The following USP48 variants were observed in gnomAD, a reference collection of about 807,000 sequenced individuals.
USP48 encodes ubiquitin carboxyl-terminal hydrolase 48.
Under a neutral mutation model 150.7 loss-of-function variants are expected in USP48, and 43 were observed. The observed-to-expected ratio is 0.29, with a 90% confidence interval of 0.22 to 0.37. The LOEUF (loss-of-function observed/expected upper bound fraction) is 0.37. Ranked by LOEUF, USP48 falls within the 10% of genes least tolerant of loss-of-function variation. The pLI is 1.00. For synonymous variants in USP48, 396 were observed against 425.9 expected (o/e 0.93, Z 0.86); for missense variants, 813 against 1,249.6 (o/e 0.65, Z 5.27).
intron 1 of USP48, among the ~76,000 whole-genome samples, chr1:21,769,202 A>G (rs572993641): frequency 6.6e-6 from 1 of 152,302 alleles, no homozygotes; most frequent in South Asian, 2.1e-4. Context: ...AATCAATTCC[A>G]GGTTGACTGT....
intron 11 of USP48, chr1:21,727,744 T>C (rs1476609647): frequency 2.6e-6 from 1 of 385,096 alleles, no homozygotes; most frequent in Non-Finnish European, 3.6e-6. Context: ...AATTAAAATT[T>C]AGTTAAAATA....
chr1:21,689,589 A>C (rs1423454706), intron 24 of USP48, among the ~76,000 whole-genome samples: 1 of 152,168 alleles, frequency 6.6e-6, no homozygotes, highest in Admixed American at 6.5e-5. Context: ...AGTGGGATTT[A>C]TACCACTGCC....
chr1:21,720,941 T>C, intron 14 of USP48, 95 bp downstream of exon 14: 2 of 1,508,038 alleles, frequency 1.3e-6, no homozygotes, highest in Non-Finnish European at 9.0e-7. Context: ...GCCTCCCAAG[T>C]AGCTGGGACT....
At chr1:21,707,555 C>G (rs1166493048) in intron 15 of USP48, among the ~76,000 whole-genome samples, 2 of 152,084 alleles carry the variant, frequency 1.3e-5, no homozygotes, top group Admixed American at 1.3e-4. Flanking sequence ...TACTAGTCAC[C>G]GCCACCCTGC....
At chr1:21,702,336 A>G (rs772851997) in intron 21 of USP48, among the ~76,000 whole-genome samples, 2 of 152,032 alleles carry the variant, frequency 1.3e-5, no homozygotes, top group African/African-American at 4.8e-5. Flanking sequence ...GAAAGCATGG[A>G]ATTAAATAAA....
chr1:21,682,070 T>C (rs533205812), intron 25 of USP48, among the ~76,000 whole-genome samples: 2 of 152,326 alleles, frequency 1.3e-5, no homozygotes, highest in South Asian at 2.1e-4. Context: ...GGGTCCACTG[T>C]TGATTCTTTC....
chr1:21,750,384 AG>A (rs2097807163), intron 6 of USP48, among the ~76,000 whole-genome samples: 1 of 151,986 alleles, frequency 6.6e-6, no homozygotes, highest in South Asian at 2.1e-4. Flanking sequence ...CACCGACTCC[AG>A]CCTACTCCCC....
At chr1:21,723,830 C>CAT in intron 12 of USP48, 68 bp downstream of exon 12, 1 of 1,395,440 alleles carries the variant, frequency 7.2e-7, no homozygotes, top group East Asian at 2.3e-5. Context: ...AAGCCACACT[C>CAT]ATAAAGACCA....
At chr1:21,778,277 A>C (rs2097905118) in intron 1 of USP48, among the ~76,000 whole-genome samples, 1 of 152,218 alleles carries the variant, frequency 6.6e-6, no homozygotes. Flanking sequence ...CAATAAGTAC[A>C]CAAAAAGATG....
intron 1 of USP48, among the ~76,000 whole-genome samples, chr1:21,759,923 T>G (rs2097846063): frequency 6.6e-6 from 1 of 152,154 alleles, no homozygotes; most frequent in South Asian, 2.1e-4. Flanking sequence ...TCTCAAAGTA[T>G]CTCAGAAAAA....
chr1:21,702,400 T>A (rs994946565), intron 21 of USP48, among the ~76,000 whole-genome samples: 2 of 151,974 alleles, frequency 1.3e-5, no homozygotes, highest in Admixed American at 1.3e-4. Flanking sequence ...CCATCCCTAA[T>A]ATAATAAAAA....
At chr1:21,688,911 T>G (rs959722573) in intron 24 of USP48, among the ~76,000 whole-genome samples, 19 of 151,170 alleles carry the variant, frequency 1.3e-4, no homozygotes, top group Admixed American at 1.3e-3. Context: ...CCAATTTCCA[T>G]GCCTTGGACA....
chr1:21,697,459 T>C lies in USP48; in HGVS notation c.2728-2238A>G, dbSNP rs185896330. Among the ~76,000 whole-genome samples, 344 of 152,036 alleles carry C rather than the reference T, an allele frequency of 2.3e-3. 1 individual carries two copies. Among genetic ancestry groups the C allele is most frequent in the South Asian group, 5.6e-3 (27 of 4,818 alleles). On this transcript the variant is annotated intron_variant, in intron 22 of 26. Transcript: ENST00000308271. ...TGGGCGGATCACAAGGTCAGGAGATTGAGACCATCCTGGCTAACATGGTGA... is the reference window on the plus strand; with the variant it reads ...TGGGCGGATCACAAGGTCAGGAGATCGAGACCATCCTGGCTAACATGGTGA...
chr1:21,764,711 CAAAAAAAAAA>C (rs35810751), intron 1 of USP48, among the ~76,000 whole-genome samples: 68 of 108,244 alleles, frequency 6.3e-4, no homozygotes, highest in African/African-American at 2.3e-3. Flanking sequence ...CACTCCGTCT[CAAAAAAAAAA>C]AAAAAAAAAG....
chr1:21,720,868 T>C (rs554599544), intron 14 of USP48, among the ~76,000 whole-genome samples, 168 bp downstream of exon 14: 21 of 152,200 alleles, frequency 1.4e-4, no homozygotes, highest in African/African-American at 5.1e-4. Context: ...CTCACTCTGT[T>C]ACCCAGACTG....
chr1:21,736,769 C>A, intron 8 of USP48, 144 bp from the exon 9 acceptor site: 1 of 597,240 alleles, frequency 1.7e-6, no homozygotes, highest in Non-Finnish European at 2.6e-6. Flanking sequence ...ATTAGTTTTA[C>A]AAAATAATGT....
intron 1 of USP48, among the ~76,000 whole-genome samples, chr1:21,772,317 C>A (rs2097883312): frequency 6.6e-6 from 1 of 152,088 alleles, no homozygotes; most frequent in African/African-American, 2.4e-5. Flanking sequence ...ATATCTTCGA[C>A]AGAAATATTC....
chr1:21,687,193 T>C lies in USP48; in HGVS notation c.3056A>G (p.Gln1019Arg). The C allele has an allele frequency of 2.5e-6, 4 of 1,612,906 alleles. No individual in the cohort carries two copies. The highest frequency in any genetic ancestry group is 3.4e-6 in the Non-Finnish European group (4 of 1,179,258). ...TCCTAAAACAAATTCATCTTTACCT[T>C]GCATGACATCATCCATTGCAGCATA... is the stretch of plus-strand genomic sequence containing the variant. ...ADYAAMDDVM[Q>R]VCMPEEGFKG... Residue 1019 changes from glutamine to arginine, a missense_variant and splice_region_variant, in exon 25 of 27, where the codon CAA becomes CGA. Gln to Arg is a conservative substitution (Grantham distance 43). Transcript: ENST00000308271.
intron 15 of USP48, among the ~76,000 whole-genome samples, chr1:21,708,082 A>G (rs986218706): frequency 2.0e-5 from 3 of 152,172 alleles, no homozygotes; most frequent in African/African-American, 7.2e-5. Context: ...GGACTCCTTG[A>G]GCCTAGGAGG....
Sources: gnomAD v4.1 joint callset for allele counts (sites outside exome capture counted in the v4.1 genomes callset) on GRCh38, gnomAD v4.1.1 for gene constraint, MANE v1.5 for transcripts, NCBI Gene and HGNC (gene_info 2026-07-23, HGNC 2026-07-21) for gene names.